Variants in RASGRP3 observed in about 807,000 individuals in gnomAD.
RASGRP3 encodes the protein ras guanyl-releasing protein 3.
In RASGRP3, 54 loss-of-function variants were observed where a neutral mutation model predicts 82.7. That is an observed-to-expected ratio of 0.65 (90% CI 0.52 to 0.82). RASGRP3 has a LOEUF of 0.82. RASGRP3 is among the 40% of genes least tolerant of loss of function. The pLI is 0.00. For synonymous variants in RASGRP3, 309 were observed against 300.5 expected (o/e 1.03, Z -0.29); for missense variants, 861 against 828.9 (o/e 1.04, Z -0.48).
intron 1 of RASGRP3, among the ~76,000 whole-genome samples, chr2:33,495,225 C>T (rs1461937754): frequency 6.6e-6 from 1 of 152,190 alleles, no homozygotes; most frequent in Non-Finnish European, 1.5e-5. Flanking sequence ...GCACAAGGGA[C>T]AGATTTCGTG....
In RASGRP3 at chr2:33,543,415, A is replaced by G; in HGVS notation, c.1279-97A>G. On this transcript the variant is annotated intron_variant, in intron 12 of 17. Transcript: ENST00000403687. ...CTTTCACTAGATTCTAACCTCCTTG[A>G]TAGAAAGGATCATATGCTAGTTATC... The G allele has an allele frequency of 4.3e-6, 3 of 692,452 alleles. No homozygotes were observed. In the South Asian group the frequency reaches 5.9e-5, roughly 14 times the overall value. The allele number at this position is 692,452 out of a possible 1,614,324, so 42.9% of individuals were successfully genotyped here.
chr2:33,452,444 C>G (rs544953142), intron 2 of RASGRP3, among the ~76,000 whole-genome samples: 2 of 152,222 alleles, frequency 1.3e-5, no homozygotes, highest in Non-Finnish European at 2.9e-5. Context: ...CTCCTGTATT[C>G]TCAGGCAAGT....
At chr2:33,557,291 C>G (rs563425123) in intron 15 of RASGRP3, among the ~76,000 whole-genome samples, 1 of 152,326 alleles carries the variant, frequency 6.6e-6, no homozygotes, top group East Asian at 1.9e-4. Context: ...CTGCTGCACG[C>G]TGTTTCAAAG....
intron 13 of RASGRP3, among the ~76,000 whole-genome samples, chr2:33,547,484 G>C (rs1674912894): frequency 6.7e-6 from 1 of 149,834 alleles, no homozygotes; most frequent in Non-Finnish European, 1.5e-5. Flanking sequence ...GAAAATTGTG[G>C]CACAGCAAAC....
In RASGRP3 at chr2:33,520,567, A is replaced by G. The variant is rs770658018; in HGVS notation, c.251A>G (p.Lys84Arg). ...ATGCCTTTCAGGTACTGGATTCTGA[A>G]GTTTCCTGCAGAGTTTAATTTGGAT... Reference protein sequence around the residue: ...ICYFMRYWILKFPAEFNLDLG... With the variant: ...ICYFMRYWILRFPAEFNLDLG... Residue 84 changes from lysine (K) to arginine (R), a missense_variant, in exon 6 of 18, where the codon AAG becomes AGG. By Grantham distance (26) the Lys-to-Arg change is conservative (BLOSUM62 2). Coordinates refer to ENST00000403687, the MANE Select transcript of RASGRP3 (RefSeq NM_001139488.2). 16 of 1,613,790 alleles carry G rather than the reference A, an allele frequency of 9.9e-6. No homozygotes were observed. The African/African-American group carries it at 1.9e-4, about 19-fold the overall frequency.
chr2:33,558,679 T>A lies in RASGRP3; in HGVS notation c.1713T>A (p.Asp571Glu), dbSNP rs1351570358. 2 of 1,597,512 alleles carry A rather than the reference T, an allele frequency of 1.3e-6. No individual in the cohort carries two copies. Among genetic ancestry groups the A allele is most frequent in the Admixed American group, 1.7e-5 (1 of 57,360 alleles). Residue 571 changes from aspartate to glutamate, a missense_variant, in exon 17 of 18, where the codon GAT (aspartate) becomes GAA (glutamate). Physicochemically the swap from Asp to Glu is conservative, Grantham distance 45. Transcript: ENST00000403687. ...PGSPSLPPAQ[D>E]EVFEFPGVTA... ...ACCCTTTTTCACTTCCAGCGCAGGATGAGGTGTTTGAGTTCCCTGGAGTCA... is the reference window on the plus strand; with the variant it reads ...ACCCTTTTTCACTTCCAGCGCAGGAAGAGGTGTTTGAGTTCCCTGGAGTCA...
In RASGRP3 at chr2:33,549,951, G is replaced by A. The variant is rs565466921; in HGVS notation, c.1542+200G>A. ...AGGAATGCAGGGCTAGCAAAAACAG[G>A]GAAGGCTGGTGAGGGCTGTTAACTC... is the stretch of plus-strand genomic sequence containing the variant. On this transcript the variant is annotated intron_variant, in intron 14 of 17. Coordinates refer to ENST00000403687, the MANE Select transcript of RASGRP3 (RefSeq NM_001139488.2). Among the ~76,000 whole-genome samples the A allele has an allele frequency of 3.9e-5, 6 of 152,330 alleles. No individual in the cohort carries two copies. The South Asian group carries it at 8.3e-4, about 21-fold the overall frequency.
chr2:33,492,630 G>T (rs1668954905), intron 1 of RASGRP3, among the ~76,000 whole-genome samples: 3 of 152,214 alleles, frequency 2.0e-5, no homozygotes, highest in Non-Finnish European at 1.5e-5. Flanking sequence ...CTCTTTCTGT[G>T]CCATGTGAGA....
chr2:33,524,587 C>T (rs958044299), intron 9 of RASGRP3, 39 bp downstream of exon 9: 6 of 1,447,512 alleles, frequency 4.1e-6, no homozygotes, highest in Non-Finnish European at 9.5e-7. Flanking sequence ...TAAAAAAATG[C>T]ATTTGTAAAT....
intron 2 of RASGRP3, among the ~76,000 whole-genome samples, chr2:33,453,925 T>C (rs1373719984): frequency 6.6e-6 from 1 of 152,212 alleles, no homozygotes; most frequent in Non-Finnish European, 1.5e-5. Context: ...ACAAGAGAAA[T>C]TTATTTTTCA....
chr2:33,446,881 C>G (rs62147116), intron 1 of RASGRP3, among the ~76,000 whole-genome samples: 11,752 of 151,900 alleles, frequency 0.077, 627 homozygotes, highest in Admixed American at 0.16. Flanking sequence ...CGGTGGCTCA[C>G]TCCTGTAATC....
At chr2:33,554,879 A>G (rs1357600823) in intron 14 of RASGRP3, among the ~76,000 whole-genome samples, 2 of 152,180 alleles carry the variant, frequency 1.3e-5, no homozygotes, top group African/African-American at 4.8e-5. Context: ...GTGGAACTGC[A>G]GGCCCTCACA....
At chr2:33,551,199 G>C in intron 14 of RASGRP3, among the ~76,000 whole-genome samples, 1 of 152,130 alleles carries the variant, frequency 6.6e-6, no homozygotes, top group Admixed American at 6.5e-5. Context: ...TGTAATCCTA[G>C]CTTCTCAGGA....
chr2:33,457,132 A>G (rs975417375), intron 2 of RASGRP3, among the ~76,000 whole-genome samples: 1 of 151,948 alleles, frequency 6.6e-6, no homozygotes, highest in Non-Finnish European at 1.5e-5. Context: ...CAGCCTCCCA[A>G]AGTACTGGGG....
intron 1 of RASGRP3, among the ~76,000 whole-genome samples, chr2:33,442,794 C>T (rs1406806727): frequency 6.6e-5 from 10 of 152,106 alleles, no homozygotes; most frequent in Non-Finnish European, 1.3e-4. Context: ...CTGGGAAATG[C>T]AGGGGAGCCC....
upstream of RASGRP3, among the ~76,000 whole-genome samples, chr2:33,473,812 A>G (rs757087431): frequency 6.6e-6 from 1 of 152,108 alleles, no homozygotes; most frequent in African/African-American, 2.4e-5. Context: ...GAACCTCTAC[A>G]CCAGTGGTCC....
intron 2 of RASGRP3, among the ~76,000 whole-genome samples, chr2:33,459,475 T>C (rs1666235506): frequency 6.6e-6 from 1 of 152,114 alleles, no homozygotes; most frequent in African/African-American, 2.4e-5. Flanking sequence ...TTTTAGTTCA[T>C]TTTTGGAAAA....
chr2:33,464,049 T>C (rs1299917939), intron 2 of RASGRP3, among the ~76,000 whole-genome samples: 1 of 150,872 alleles, frequency 6.6e-6, no homozygotes, highest in Admixed American at 6.6e-5. Flanking sequence ...TCCATTAGCA[T>C]GTGTTCACTT....
At chr2:33,534,551 C>T (rs992953878) in intron 11 of RASGRP3, among the ~76,000 whole-genome samples, 151 bp downstream of exon 11, 6 of 151,858 alleles carry the variant, frequency 4.0e-5, no homozygotes, top group African/African-American at 7.3e-5. Flanking sequence ...TTTTTTGAGG[C>T]GGAGTCTTGC....
Sources: allele counts gnomAD v4.1 joint callset (sites outside exome capture counted in the v4.1 genomes callset), GRCh38; gene constraint gnomAD v4.1.1; transcripts MANE v1.5; gene names NCBI Gene and HGNC (gene_info 2026-07-23, HGNC 2026-07-21).